Variants in NCBP1 observed in about 807,000 individuals in gnomAD.
NCBP1 encodes nuclear cap-binding protein subunit 1.
NCBP1 carries 16 observed loss-of-function variants against 111.7 expected under a neutral mutation model. The ratio of observed to expected loss-of-function variants is 0.14; its 90% CI spans 0.10 to 0.22. NCBP1 has a LOEUF of 0.22. NCBP1 is among the 10% of genes least tolerant of loss of function. NCBP1 has a pLI of 1.00. For missense variants in NCBP1, 607 were observed against 957.5 expected (o/e 0.63, Z 4.83); for synonymous variants, 304 against 314.3 (o/e 0.97, Z 0.35).
chr9:97,667,821 G>A (rs534997652), intron 20 of NCBP1, among the ~76,000 whole-genome samples: 2 of 152,240 alleles, frequency 1.3e-5, no homozygotes, highest in Admixed American at 1.3e-4. Context: ...GTGTGGTTGC[G>A]GTCGTAACAG....
chr9:97,647,882 CT>C (rs1162572788), intron 7 of NCBP1, 125 bp from the exon 8 acceptor site: 23 of 866,824 alleles, frequency 2.7e-5, no homozygotes, highest in Admixed American at 5.9e-5. Flanking sequence ...AACTTAGCAC[CT>C]TTTTTTGTAC....
At chr9:97,638,316 A>G (rs1827111185) in intron 1 of NCBP1, among the ~76,000 whole-genome samples, 1 of 152,180 alleles carries the variant, frequency 6.6e-6, no homozygotes, top group Admixed American at 6.5e-5. Flanking sequence ...AAAATGAACA[A>G]AGGGTTTGCA....
intron 1 of NCBP1, among the ~76,000 whole-genome samples, chr9:97,636,462 G>T: frequency 6.9e-6 from 1 of 145,308 alleles, no homozygotes; most frequent in Non-Finnish European, 1.5e-5. Context: ...AACTATAATA[G>T]AATGTATTAT....
chr9:97,644,476 T>TA (rs1315985545), intron 4 of NCBP1, among the ~76,000 whole-genome samples: 2 of 152,192 alleles, frequency 1.3e-5, no homozygotes, highest in African/African-American at 2.4e-5. Context: ...TCATTGTTCC[T>TA]AAAAAATGCT....
chr9:97,668,907 A>G lies in NCBP1; in HGVS notation c.2078A>G (p.Glu693Gly). The G allele has an allele frequency of 6.2e-7, 1 of 1,613,720 alleles. No homozygotes were observed. The highest frequency in any genetic ancestry group is 8.5e-7 in the Non-Finnish European group (1 of 1,179,660). The change falls in exon 21 of 23, where the codon GAA becomes GGA. Residue 693 changes from glutamate (E) to glycine (G), a missense_variant. Glu to Gly is a moderately conservative substitution (Grantham distance 98). Coordinates refer to ENST00000375147, the MANE Select transcript of NCBP1 (RefSeq NM_002486.5). ...GACGGGGTTCTTGAGGAACAAATAG[A>G]ACGACTTCAGGAAAAAGTGGAATCT... ...RKDGVLEEQI[E>G]RLQEKVESAQ...
rs192293887 is a variant in NCBP1, at chr9:97,643,408, G to A, written c.381+48G>A. On this transcript the variant is annotated intron_variant, in intron 4 of 22. Coordinates refer to ENST00000375147, the MANE Select transcript of NCBP1 (RefSeq NM_002486.5). Reference sequence around the variant, plus strand: ...ATGTTATGACTACTGTTGGGATGGAGGGAAAAGGTGAACTACAACCAAATA... The same window carrying A: ...ATGTTATGACTACTGTTGGGATGGAAGGAAAAGGTGAACTACAACCAAATA... 4.8e-6 allele frequency: 7 copies of A among 1,464,204 alleles called. No homozygotes were observed. In the South Asian group the frequency reaches 8.3e-5, roughly 17 times the overall value. 90.7% of individuals were successfully genotyped at this position (1,464,204 alleles called of 1,614,324 possible).
chr9:97,662,938 C>T lies in NCBP1; in HGVS notation c.1704-16C>T, dbSNP rs754636371. ...AATAAGTATATATGGTATTTTTTTC[C>T]CATCATTATCAAAAGGTTTCATGAA... is the stretch of plus-strand genomic sequence containing the variant. On this transcript the variant is annotated splice_polypyrimidine_tract_variant and intron_variant, in intron 17 of 22. Transcript: ENST00000375147. The T allele has an allele frequency of 3.8e-6, 6 of 1,572,012 alleles. No individual in the cohort carries two copies. In the South Asian group the frequency reaches 5.7e-5, roughly 15 times the overall value.
At chr9:97,639,120 A>G (rs915332858) in intron 1 of NCBP1, among the ~76,000 whole-genome samples, 4 of 152,160 alleles carry the variant, frequency 2.6e-5, no homozygotes, top group African/African-American at 9.6e-5. Flanking sequence ...ACAGGCAGAT[A>G]TCTCCAGGAA....
Position 97,672,757 on chromosome 9 carries a change from A to G in NCBP1, c.*1558A>G. ...GATGATGAGGATGAAGACCTTTATG[A>G]TGATCCACTTCTACTTATTAAATAG... On this transcript the variant is annotated 3_prime_UTR_variant, in exon 23 of 23. Transcript: ENST00000375147. 5.6e-6 allele frequency: 1 copy of G among 177,016 alleles called. No homozygotes were observed. The allele number at this position is 177,016 out of a possible 1,614,324, so 11.0% of individuals were successfully genotyped here. A position where few individuals can be genotyped will look rare whatever the true frequency, so the allele number is the denominator to read the frequency against.
At chr9:97,667,141 C>G (rs908148389) in intron 20 of NCBP1, among the ~76,000 whole-genome samples, 2 of 152,094 alleles carry the variant, frequency 1.3e-5, no homozygotes, top group Admixed American at 6.6e-5. Flanking sequence ...CTGGGTCGGC[C>G]TCACGTTTGC....
At chr9:97,641,922 C>T (rs1426968401) in intron 3 of NCBP1, among the ~76,000 whole-genome samples, 1 of 152,026 alleles carries the variant, frequency 6.6e-6, no homozygotes. Context: ...ATAGTAGATA[C>T]TGTCTCATTC....
chr9:97,651,520 G>C, intron 10 of NCBP1, 147 bp downstream of exon 10: 1 of 714,000 alleles, frequency 1.4e-6, no homozygotes, highest in Non-Finnish European at 2.1e-6. Context: ...GGAAATTGCT[G>C]TCGGTTTTGG....
At chr9:97,648,267 T>C in intron 8 of NCBP1, 44 bp downstream of exon 8, 1 of 1,571,584 alleles carries the variant, frequency 6.4e-7, no homozygotes. Flanking sequence ...CTGTGTTGCA[T>C]TGTGCTTGTG....
intron 18 of NCBP1, among the ~76,000 whole-genome samples, chr9:97,663,438 G>T (rs1280877611): frequency 6.6e-6 from 1 of 151,948 alleles, no homozygotes; most frequent in African/African-American, 2.4e-5. Context: ...TTAACTTCTG[G>T]GGTTCATTGA....
chr9:97,648,869 C>T (rs542628564), intron 8 of NCBP1, among the ~76,000 whole-genome samples: 1 of 152,258 alleles, frequency 6.6e-6, no homozygotes, highest in Admixed American at 6.5e-5. Context: ...GTCACCTAGC[C>T]TGGCAAATTT....
chr9:97,668,995 T>A (rs766385234), intron 21 of NCBP1, 21 bp downstream of exon 21: 1 of 1,586,596 alleles, frequency 6.3e-7, no homozygotes, highest in South Asian at 1.2e-5. Flanking sequence ...TTGGGACATT[T>A]ATACATAAAA....
In NCBP1 at chr9:97,651,359, T is replaced by C; in HGVS notation, c.1045T>C (p.Tyr349His). ...YPGKNKIPLN[Y>H]HIVEVIFAEL... ...AGGGAAGAACAAGATCCCCTTGAAC[T>C]ACCACATAGTTGAGGTATGAATTCC... Residue 349 changes from tyrosine to histidine, a missense_variant, in exon 10 of 23, where the codon TAC (tyrosine) becomes CAC (histidine). This residue lies in a region of NCBP1 where 33 missense variants were observed against 46.5 expected (regional missense o/e 0.71). Coordinates refer to ENST00000375147, the MANE Select transcript of NCBP1 (RefSeq NM_002486.5). 3 of 1,613,352 alleles carry C rather than the reference T, an allele frequency of 1.9e-6. No individual in the cohort carries two copies. Among genetic ancestry groups the C allele is most frequent in the African/African-American group, 1.3e-5 (1 of 75,042 alleles).
Position 97,645,624 on chromosome 9 carries a change from G to C in NCBP1, c.503G>C (p.Trp168Ser). The change falls in exon 6 of 23, where the codon TGG becomes TCG. Residue 168 changes from tryptophan (W) to serine (S), a missense_variant. This residue lies in a region of NCBP1 where 185 missense variants were observed against 272.0 expected (regional missense o/e 0.68). Transcript: ENST00000375147. ...AAAATCCTTTAGGTGCGACGAGATT[G>C]GTATGTGTATGCATTTCTGTCATCT... ...EEDVPQVRRD[W>S]YVYAFLSSLP... 6.2e-7 allele frequency: 1 copy of C among 1,613,474 alleles called. No individual in the cohort carries two copies. Among genetic ancestry groups the C allele is most frequent in the Non-Finnish European group, 8.5e-7 (1 of 1,179,522 alleles).
At position 97,637,174 on chromosome 9, in the gene NCBP1, C is replaced by T. The variant is rs962678562; in HGVS notation, c.34+3259C>T. On this transcript the variant is annotated intron_variant, in intron 1 of 22. Coordinates refer to ENST00000375147, the MANE Select transcript of NCBP1 (RefSeq NM_002486.5). ...AAAATTATACTTCTGTGTTGAGACT[C>T]GACTATCAAAGATTAAGGGGGGTAG... 4.0e-5 allele frequency among the ~76,000 whole-genome samples: 6 copies of T among 151,840 alleles called. No individual in the cohort carries two copies. In the East Asian group the frequency reaches 5.9e-4, roughly 15 times the overall value.
Sources: allele counts gnomAD v4.1 joint callset (sites outside exome capture counted in the v4.1 genomes callset), GRCh38; gene constraint gnomAD v4.1.1; regional missense constraint gnomAD v4.1.1; transcripts MANE v1.5; gene names NCBI Gene and HGNC (gene_info 2026-07-23, HGNC 2026-07-21).